GPR158: variants seen among roughly 807,000 people sequenced by gnomAD.
The protein encoded by GPR158 is metabotropic glycine receptor.
In GPR158, 30 loss-of-function variants were observed where a neutral mutation model predicts 78.2. The ratio of observed to expected loss-of-function variants is 0.38; its 90% CI spans 0.29 to 0.52. The LOEUF (loss-of-function observed/expected upper bound fraction) is 0.52. GPR158 is among the 20% of genes least tolerant of loss of function. The pLI, the probability that GPR158 is intolerant of heterozygous loss-of-function variation, is 0.83. For synonymous variants in GPR158, 581 were observed against 591.1 expected, an observed-to-expected ratio of 0.98 and a Z score of 0.25; for missense variants, 1,463 against 1,523.5, an observed-to-expected ratio of 0.96 and a Z score of 0.66.
intron 1 of GPR158, among the ~76,000 whole-genome samples, chr10:25,200,056 G>A (rs1852900317): frequency 6.6e-6 from 1 of 152,074 alleles, no homozygotes; most frequent in East Asian, 1.9e-4. Flanking sequence ...TGGTCAAATG[G>A]CATTTTTGTT....
chr10:25,373,563 G>A (rs1043180727), intron 2 of GPR158, among the ~76,000 whole-genome samples: 3 of 151,764 alleles, frequency 2.0e-5, no homozygotes, highest in East Asian at 3.9e-4. Context: ...AATTTAGGGC[G>A]ATAAATTTCT....
intron 2 of GPR158, among the ~76,000 whole-genome samples, chr10:25,388,650 G>A (rs551526520): frequency 2.0e-5 from 3 of 152,252 alleles, no homozygotes; most frequent in African/African-American, 7.2e-5. Flanking sequence ...AGGGCGGGCA[G>A]AAGTGGAGCT....
At chr10:25,512,620 G>A (rs1836100457) in intron 5 of GPR158, among the ~76,000 whole-genome samples, 1 of 152,060 alleles carries the variant, frequency 6.6e-6, no homozygotes. Flanking sequence ...GTTCTCAGGG[G>A]GAATGCTCTC....
rs1396147529 is a variant in GPR158, at chr10:25,250,968, C to A, written c.1008+29811C>A. Among the ~76,000 whole-genome samples the A allele has an allele frequency of 3.3e-5, 5 of 151,402 alleles. No homozygotes were observed. In the South Asian group the frequency reaches 6.3e-4, roughly 19 times the overall value. ...CGTCTAAGTCTCTTTGTAGGTCACTCAGGACTTGCTTTATGAATCTGGGTG... is the reference window on the plus strand; with the variant it reads ...CGTCTAAGTCTCTTTGTAGGTCACTAAGGACTTGCTTTATGAATCTGGGTG... On this transcript the variant is annotated intron_variant, in intron 2 of 10. Transcript: ENST00000376351.
intron 5 of GPR158, among the ~76,000 whole-genome samples, chr10:25,507,862 A>G (rs1836033488): frequency 6.6e-6 from 1 of 152,230 alleles, no homozygotes. Flanking sequence ...CAAGGCAATC[A>G]ATTTGAATGC....
intron 2 of GPR158, among the ~76,000 whole-genome samples, chr10:25,338,477 ATAATATACGTATAAT>A: frequency 7.6e-6 from 1 of 131,480 alleles, no homozygotes; most frequent in Non-Finnish European, 1.6e-5. Flanking sequence ...TATTATACGT[ATAATATACGTATAAT>A]ATACGTATAT....
At chr10:25,466,512 T>C (rs1025778033) in intron 4 of GPR158, 139 bp from the exon 5 acceptor site, 1 of 566,916 alleles carries the variant, frequency 1.8e-6, no homozygotes, top group Non-Finnish European at 3.1e-6. Flanking sequence ...CCCACCTGAA[T>C]ACTAACCAAT....
At chr10:25,410,953 T>C (rs1026809174) in intron 3 of GPR158, among the ~76,000 whole-genome samples, 2 of 152,216 alleles carry the variant, frequency 1.3e-5, no homozygotes, top group African/African-American at 4.8e-5. Context: ...TCTGTTAAAC[T>C]GAGTATTATT....
chr10:25,361,161 C>A (rs1297043471), intron 2 of GPR158, among the ~76,000 whole-genome samples: 1 of 151,974 alleles, frequency 6.6e-6, no homozygotes, highest in East Asian at 2.0e-4. Flanking sequence ...ACTTTAGGTA[C>A]CACAAATAAA....
At chr10:25,568,318 C>A (rs928854717) in intron 6 of GPR158, among the ~76,000 whole-genome samples, 1 of 152,084 alleles carries the variant, frequency 6.6e-6, no homozygotes, top group East Asian at 1.9e-4. Flanking sequence ...TATAACATGG[C>A]CACATTTAGG....
chr10:25,315,635 A>G (rs190653923), intron 2 of GPR158, among the ~76,000 whole-genome samples: 2,338 of 151,712 alleles, frequency 0.015, 65 homozygotes, highest in African/African-American at 0.053. Flanking sequence ...TTATAATTCT[A>G]TGTGTTTTAT....
At chr10:25,213,951 T>C (rs1051536568) in intron 1 of GPR158, among the ~76,000 whole-genome samples, 17 of 152,188 alleles carry the variant, frequency 1.1e-4, no homozygotes, top group Admixed American at 8.5e-4. Flanking sequence ...ATATTTTCTG[T>C]TTATTTGCAT....
chr10:25,325,779 C>T (rs1855021244), intron 2 of GPR158, among the ~76,000 whole-genome samples: 1 of 151,984 alleles, frequency 6.6e-6, no homozygotes, highest in Non-Finnish European at 1.5e-5. Context: ...CCCTTGTTAT[C>T]TTTTGTCTTT....
intron 2 of GPR158, among the ~76,000 whole-genome samples, chr10:25,299,412 C>A (rs1588783858): frequency 6.6e-6 from 1 of 152,206 alleles, no homozygotes; most frequent in African/African-American, 2.4e-5. Context: ...GTTCTCCCAT[C>A]TCATTAACTA....
intron 2 of GPR158, among the ~76,000 whole-genome samples, chr10:25,356,636 C>T (rs1855557977): frequency 6.6e-6 from 1 of 152,074 alleles, no homozygotes. Context: ...CTTTTGCATG[C>T]TGCTGTGCAC....
In GPR158 at chr10:25,176,423, C is replaced by CCAAGCGTTCTGAGGGT; in HGVS notation, c.902+101_902+102insCAAGCGTTCTGAGGGT. ...GAGGAAGGAACCCTTGGCTGTGACG[C>CCAAGCGTTCTGAGGGT]GAACGCTTCTCACCCTCAGAGTAGA... On this transcript the variant is annotated intron_variant, in intron 1 of 10. Coordinates refer to ENST00000376351, the MANE Select transcript of GPR158 (RefSeq NM_020752.3). The surrounding 1 kb of genome is among the most constrained non-coding windows in gnomAD (Gnocchi z 6.3). 1.1e-6 allele frequency: 1 copy of CCAAGCGTTCTGAGGGT among 951,284 alleles called. No individual in the cohort carries two copies. The highest frequency in any genetic ancestry group is 1.5e-6 in the Non-Finnish European group (1 of 652,386). The allele number at this position is 951,284 out of a possible 1,614,324, so 58.9% of individuals were successfully genotyped here.
intron 1 of GPR158, among the ~76,000 whole-genome samples, chr10:25,199,265 G>C (rs544693815): frequency 1.2e-4 from 19 of 152,108 alleles, no homozygotes; most frequent in African/African-American, 4.6e-4. Flanking sequence ...TGTTACCCAA[G>C]TAATAAGCAT....
intron 5 of GPR158, among the ~76,000 whole-genome samples, chr10:25,506,695 A>G (rs114117081): frequency 0.017 from 2,562 of 152,330 alleles, 62 homozygotes; most frequent in African/African-American, 0.058. Flanking sequence ...TGATACAAAA[A>G]TACAATTCAG....
At chr10:25,252,065 C>A (rs1057200628) in intron 2 of GPR158, among the ~76,000 whole-genome samples, 2 of 152,040 alleles carry the variant, frequency 1.3e-5, no homozygotes, top group East Asian at 1.9e-4. Flanking sequence ...TCATTCATTT[C>A]ATCTTCCATT....
Sources: gnomAD v4.1 joint callset for allele counts (sites outside exome capture counted in the v4.1 genomes callset) on GRCh38, gnomAD v4.1.1 for gene constraint, Gnocchi (gnomAD v3.1) non-coding constraint, MANE v1.5 for transcripts, NCBI Gene and HGNC (gene_info 2026-07-23, HGNC 2026-07-21) for gene names.